Variants in PPP1R12A observed in about 807,000 individuals in gnomAD.
PPP1R12A encodes myosin binding subunit.
In PPP1R12A, 19 loss-of-function variants were observed where a neutral mutation model predicts 139.6. That is an observed-to-expected ratio of 0.14 (90% CI 0.09 to 0.20). The LOEUF (loss-of-function observed/expected upper bound fraction) is 0.20. Among genes scored for constraint, PPP1R12A ranks in the 10% least tolerant of loss-of-function variants. PPP1R12A has a pLI of 1.00. For synonymous variants in PPP1R12A, 427 were observed against 420.6 expected (o/e 1.02, Z -0.19); for missense variants, 925 against 1,211.5 (o/e 0.76, Z 3.51).
chr12:79,877,137 T>C (rs1478250681), intron 1 of PPP1R12A, among the ~76,000 whole-genome samples: 3 of 152,222 alleles, frequency 2.0e-5, no homozygotes, highest in Admixed American at 2.0e-4. Flanking sequence ...TTGGTGTCTT[T>C]ATATTTCAAG....
At chr12:79,807,389 C>T (rs1370735388) in intron 11 of PPP1R12A, 59 bp from the exon 12 acceptor site, 8 of 1,047,936 alleles carry the variant, frequency 7.6e-6, no homozygotes, top group South Asian at 4.2e-5. Context: ...ATTAAGAAAG[C>T]GGTACACTAG....
intron 1 of PPP1R12A, among the ~76,000 whole-genome samples, chr12:79,891,648 T>C (rs530238054): frequency 3.8e-4 from 58 of 152,322 alleles, no homozygotes; most frequent in African/African-American, 1.3e-3. Context: ...ACTGGGTGAC[T>C]TGTTTCTTAC....
At chr12:79,856,085 C>T (rs1880620926) in intron 2 of PPP1R12A, among the ~76,000 whole-genome samples, 1 of 152,196 alleles carries the variant, frequency 6.6e-6, no homozygotes, top group Non-Finnish European at 1.5e-5. Flanking sequence ...TACTTCCAAT[C>T]TCACTGCCAC....
intron 2 of PPP1R12A, among the ~76,000 whole-genome samples, chr12:79,871,646 CCA>C (rs1380168935): frequency 2.6e-5 from 4 of 152,068 alleles, no homozygotes; most frequent in Non-Finnish European, 5.9e-5. Context: ...TCAATTAACT[CCA>C]GAGCCTAATC....
intron 14 of PPP1R12A, 34 bp from the exon 15 acceptor site, chr12:79,798,618 A>G (rs767650316): frequency 7.4e-6 from 9 of 1,221,898 alleles, no homozygotes; most frequent in Non-Finnish European, 1.0e-5. Context: ...GTTAGTTGTA[A>G]ATACAATACC....
intron 2 of PPP1R12A, among the ~76,000 whole-genome samples, chr12:79,851,877 A>T (rs1565778322): frequency 2.0e-5 from 3 of 152,286 alleles, no homozygotes; most frequent in African/African-American, 7.2e-5. Context: ...TTACTGAGTC[A>T]TTCTTCTATT....
intron 3 of PPP1R12A, among the ~76,000 whole-genome samples, chr12:79,836,364 T>C (rs1172695993): frequency 6.6e-6 from 1 of 152,176 alleles, no homozygotes; most frequent in African/African-American, 2.4e-5. Flanking sequence ...TTTTTATTAT[T>C]TTTATCCCTC....
chr12:79,801,323 C>A (rs1438684971), intron 14 of PPP1R12A, among the ~76,000 whole-genome samples: 3 of 95,258 alleles, frequency 3.1e-5, no homozygotes, highest in East Asian at 2.9e-4. Context: ...CCAGCCTGGG[C>A]AACTAGAGCA....
chr12:79,921,609 C>T lies in PPP1R12A; in HGVS notation c.237+13086G>A, dbSNP rs1435014689. ...CTCTACCACTTATTTACATTGTAATCATCGGCTCATGCTGCCACCTCAACT... is the reference window on the plus strand; with the variant it reads ...CTCTACCACTTATTTACATTGTAATTATCGGCTCATGCTGCCACCTCAACT... On this transcript the variant is annotated intron_variant, in intron 1 of 24. Coordinates refer to ENST00000450142, the MANE Select transcript of PPP1R12A (RefSeq NM_002480.3). Among the ~76,000 whole-genome samples the T allele has an allele frequency of 2.0e-5, 3 of 152,160 alleles. No individual in the cohort carries two copies. In the South Asian group the frequency reaches 6.2e-4, roughly 32 times the overall value.
At chr12:79,836,048 C>T (rs969295466) in intron 3 of PPP1R12A, among the ~76,000 whole-genome samples, 10 of 152,176 alleles carry the variant, frequency 6.6e-5, no homozygotes, top group African/African-American at 2.4e-4. Flanking sequence ...CATCTTCAAA[C>T]TAGAGATTAT....
chr12:79,839,158 T>C (rs924171324), intron 3 of PPP1R12A, among the ~76,000 whole-genome samples: 5 of 152,334 alleles, frequency 3.3e-5, no homozygotes, highest in Middle Eastern at 3.4e-3. Context: ...GGAACTTTAA[T>C]GTTTAATAAC....
chr12:79,829,230 T>C (rs771252730), intron 4 of PPP1R12A, among the ~76,000 whole-genome samples: 7 of 152,108 alleles, frequency 4.6e-5, no homozygotes, highest in Non-Finnish European at 1.0e-4. Flanking sequence ...AAACTGCACA[T>C]AGCATAGCCC....
intron 17 of PPP1R12A, 50 bp from the exon 18 acceptor site, chr12:79,795,809 T>C (rs758030027): frequency 2.5e-6 from 4 of 1,570,970 alleles, no homozygotes; most frequent in Non-Finnish European, 3.5e-6. Context: ...CTTGACAATA[T>C]TTTGCAAGGT....
intron 1 of PPP1R12A, 44 bp downstream of exon 1, chr12:79,934,651 G>A (rs956017610): frequency 4.1e-6 from 6 of 1,474,922 alleles, no homozygotes; most frequent in Non-Finnish European, 5.4e-6. Context: ...GGAGGCCGAC[G>A]AGAACCCTCA....
chr12:79,892,929 C>A (rs1183796948), intron 1 of PPP1R12A, among the ~76,000 whole-genome samples: 1 of 151,984 alleles, frequency 6.6e-6, no homozygotes, highest in Non-Finnish European at 1.5e-5. Context: ...CATGGTGAAA[C>A]CCCGTCTCTA....
intron 2 of PPP1R12A, among the ~76,000 whole-genome samples, chr12:79,847,048 C>T (rs2456018): frequency 0.2 from 30,699 of 151,936 alleles, 5,504 homozygotes; most frequent in African/African-American, 0.48. Flanking sequence ...AAAAAGTACA[C>T]GTCCACAGAG....
At chr12:79,780,430 G>A (rs1158418349) in intron 23 of PPP1R12A, 3 of 151,928 alleles carry the variant, frequency 2.0e-5, no homozygotes, top group Admixed American at 6.6e-5. Flanking sequence ...GCTTGTCAGA[G>A]TATGAATGTG....
intron 1 of PPP1R12A, among the ~76,000 whole-genome samples, chr12:79,881,123 T>C (rs1192784376): frequency 1.3e-5 from 2 of 152,100 alleles, no homozygotes; most frequent in East Asian, 3.9e-4. Flanking sequence ...CCCTTAGAAA[T>C]AACAATATTA....
At chr12:79,926,465 A>G (rs1383857110) in intron 1 of PPP1R12A, among the ~76,000 whole-genome samples, 2 of 152,246 alleles carry the variant, frequency 1.3e-5, no homozygotes, top group Non-Finnish European at 2.9e-5. Context: ...TGCTAGGACT[A>G]CAGGCGTGAG....
Sources: allele counts gnomAD v4.1 joint callset (sites outside exome capture counted in the v4.1 genomes callset), GRCh38; gene constraint gnomAD v4.1.1; transcripts MANE v1.5; gene names NCBI Gene and HGNC (gene_info 2026-07-23, HGNC 2026-07-21).